The following SHANK2 variants were observed in gnomAD, a reference collection of about 807,000 sequenced individuals.
The protein encoded by SHANK2 is SH3 and multiple ankyrin repeat domains 2.
Under a neutral mutation model 133.7 loss-of-function variants are expected in SHANK2, and 43 were observed. That is an observed-to-expected ratio of 0.32 (90% CI 0.25 to 0.41). SHANK2 has a LOEUF of 0.41. Among genes scored for constraint, SHANK2 ranks in the 10% least tolerant of loss-of-function variants. The pLI is 1.00. For missense variants in SHANK2, 1,994 were observed against 2,235.8 expected, an observed-to-expected ratio of 0.89 and a Z score of 2.18; for synonymous variants, 1,017 against 952.8, an observed-to-expected ratio of 1.07 and a Z score of -1.24.
Position 70,878,134 on chromosome 11 carries a change from C to T in SHANK2, c.1174+18367G>A, listed in dbSNP as rs529008456. ...AGGAAGGTGTCGCCTTTATGGCCTT[C>T]GCTCTGTGGATGAAGTCAGCACTGC... is the stretch of plus-strand genomic sequence containing the variant. On this transcript the variant is annotated intron_variant, in intron 11 of 25. Coordinates refer to ENST00000601538, the MANE Select transcript of SHANK2 (RefSeq NM_012309.5). Among the ~76,000 whole-genome samples the T allele has an allele frequency of 6.6e-5, 10 of 152,326 alleles. No individual in the cohort carries two copies. In the East Asian group the frequency reaches 1.7e-3, roughly 26 times the overall value.
intron 14 of SHANK2, among the ~76,000 whole-genome samples, chr11:70,738,510 A>C (rs939622669): frequency 9.2e-5 from 14 of 152,332 alleles, no homozygotes; most frequent in African/African-American, 2.9e-4. Flanking sequence ...GAGCAAGTGC[A>C]TTCCCAGGGC....
chr11:70,898,446 G>A (rs1245004188), intron 10 of SHANK2, among the ~76,000 whole-genome samples: 1 of 152,080 alleles, frequency 6.6e-6, no homozygotes, highest in African/African-American at 2.4e-5. Context: ...GTTTTGAGGT[G>A]CATGCTAGAA....
At position 70,792,146 on chromosome 11, in the gene SHANK2, G is replaced by A. The variant is rs368707236; in HGVS notation, c.1777+6297C>T. On this transcript the variant is annotated intron_variant, in intron 14 of 25. Coordinates refer to ENST00000601538, the MANE Select transcript of SHANK2 (RefSeq NM_012309.5). ...AACCAACCAACTAACCAATCAGTCA[G>A]TCAGCCAACTAGTTAATCAACCAAC... 6.0e-5 allele frequency among the ~76,000 whole-genome samples: 9 copies of A among 148,768 alleles called. No individual in the cohort carries two copies. In the South Asian group the frequency reaches 6.5e-4, roughly 11 times the overall value.
At chr11:70,627,394 G>T (rs1365623889) in intron 17 of SHANK2, among the ~76,000 whole-genome samples, 1 of 152,202 alleles carries the variant, frequency 6.6e-6, no homozygotes, top group Non-Finnish European at 1.5e-5. Context: ...TAAGTGAGGA[G>T]GGCAAAGGAC....
At chr11:70,643,733 G>T (rs1226563359) in intron 17 of SHANK2, among the ~76,000 whole-genome samples, 1 of 152,154 alleles carries the variant, frequency 6.6e-6, no homozygotes, top group Non-Finnish European at 1.5e-5. Context: ...TTGAATGAGG[G>T]TTGAGCTCCT....
intron 17 of SHANK2, among the ~76,000 whole-genome samples, chr11:70,594,300 C>T (rs986521938): frequency 3.9e-5 from 6 of 152,214 alleles, no homozygotes; most frequent in African/African-American, 1.4e-4. Flanking sequence ...CGTGAGTCCA[C>T]ACACGGTTGC....
intron 14 of SHANK2, among the ~76,000 whole-genome samples, chr11:70,710,213 G>T (rs1945751500): frequency 6.6e-6 from 1 of 152,178 alleles, no homozygotes; most frequent in Non-Finnish European, 1.5e-5. Flanking sequence ...CACACCTGGG[G>T]GCTGTGCCGT....
At chr11:70,563,482 CA>C (rs2059932659) in intron 17 of SHANK2, among the ~76,000 whole-genome samples, 1 of 150,876 alleles carries the variant, frequency 6.6e-6, no homozygotes, top group Non-Finnish European at 1.5e-5. Flanking sequence ...ACAAATTTTA[CA>C]TATATAGCCA....
At chr11:70,879,708 C>A (rs573545806) in intron 11 of SHANK2, among the ~76,000 whole-genome samples, 3 of 152,330 alleles carry the variant, frequency 2.0e-5, no homozygotes, top group South Asian at 2.1e-4. Context: ...AAAGGCCATG[C>A]GGGGCCCCCC....
chr11:71,126,636 A>T (rs1952193494), intron 3 of SHANK2, among the ~76,000 whole-genome samples: 1 of 152,102 alleles, frequency 6.6e-6, no homozygotes, highest in Non-Finnish European at 1.5e-5. Context: ...AGCATTCCAG[A>T]TGCCATTAAG....
intron 11 of SHANK2, among the ~76,000 whole-genome samples, chr11:70,884,093 A>G (rs1949699542): frequency 6.6e-6 from 1 of 152,218 alleles, no homozygotes; most frequent in South Asian, 2.1e-4. Flanking sequence ...GAGCAAGAGG[A>G]GAATGCACCA....
At chr11:70,840,901 G>A (rs1050069475) in intron 11 of SHANK2, among the ~76,000 whole-genome samples, 16 of 152,182 alleles carry the variant, frequency 1.1e-4, no homozygotes, top group African/African-American at 3.9e-4. Flanking sequence ...GTGTTTCACT[G>A]GAGCTTGATA....
At chr11:71,121,432 G>C (rs1952082521) in intron 3 of SHANK2, among the ~76,000 whole-genome samples, 1 of 152,206 alleles carries the variant, frequency 6.6e-6, no homozygotes, top group African/African-American at 2.4e-5. Flanking sequence ...TGCAATAACT[G>C]TGTCCTTAAA....
rs79065284 is a variant in SHANK2, at chr11:71,169,517, G to A, written c.-12-22179C>T. 1.8e-3 allele frequency among the ~76,000 whole-genome samples: 276 copies of A among 152,296 alleles called. 1 individual carries two copies. In the East Asian group the frequency reaches 0.039, roughly 22 times the overall value. On this transcript the variant is annotated intron_variant, in intron 2 of 25. Transcript: ENST00000601538. Reference sequence around the variant, plus strand: ...ATAATCCTAGCCACTTTGGGAGGCCGAGGCGGGTGAATCACCCGAGGTCAG... The same window carrying A: ...ATAATCCTAGCCACTTTGGGAGGCCAAGGCGGGTGAATCACCCGAGGTCAG...
At chr11:70,743,841 T>C (rs1375451882) in intron 14 of SHANK2, among the ~76,000 whole-genome samples, 3 of 152,148 alleles carry the variant, frequency 2.0e-5, no homozygotes, top group Non-Finnish European at 4.4e-5. Flanking sequence ...CAGGTCTCCT[T>C]CCCTCCTTTC....
At chr11:70,895,482 G>A (rs1555075512) in intron 11 of SHANK2, 1 of 152,610 alleles carries the variant, frequency 6.6e-6, no homozygotes, top group Non-Finnish European at 1.5e-5. Context: ...GCTCGTCCAA[G>A]TTGCAAGACT....
In SHANK2 at chr11:71,187,713, G is replaced by T. The variant is rs1953702156; in HGVS notation, c.-13+36984C>A. On this transcript the variant is annotated intron_variant, in intron 2 of 25. Coordinates refer to ENST00000601538, the MANE Select transcript of SHANK2 (RefSeq NM_012309.5). ...ACTTGGTGGGTTTCTCTTGTTCTGT[G>T]TGTTGCGTGGGCAGAGGCACTGACT... 2.0e-5 allele frequency among the ~76,000 whole-genome samples: 3 copies of T among 152,178 alleles called. 1 individual carries two copies. The highest frequency in any genetic ancestry group is 2.0e-4 in the Admixed American group (3 of 15,272).
Position 70,485,660 on chromosome 11 carries a change from G to C in SHANK2, c.4633C>G (p.Pro1545Ala). The change falls in exon 25 of 26, where the codon CCA (proline) becomes GCA (alanine). Residue 1545 changes from proline (P) to alanine (A), a missense_variant. Coordinates refer to ENST00000601538, the MANE Select transcript of SHANK2 (RefSeq NM_012309.5). The surrounding 1 kb of genome is among the most constrained non-coding windows in gnomAD (Gnocchi z 5.8). ...DGQAFMVDKP[P>A]VPPKPKMKPI... ...TTCATTTTTGGCTTAGGAGGTACTG[G>C]GGGTTTGTCAACCATAAATGCTTGC... 1 of 1,614,056 alleles carries C rather than the reference G, an allele frequency of 6.2e-7. No individual in the cohort carries two copies. Among genetic ancestry groups the C allele is most frequent in the Non-Finnish European group, 8.5e-7 (1 of 1,180,028 alleles).
chr11:70,527,427 G>A (rs1815816), intron 17 of SHANK2, among the ~76,000 whole-genome samples: 145,041 of 152,272 alleles, frequency 0.95, 69,489 homozygotes, highest in East Asian at 1. Context: ...GTGGGCCCTG[G>A]GGAATGGTGT....
Sources: allele counts gnomAD v4.1 joint callset (sites outside exome capture counted in the v4.1 genomes callset), GRCh38; gene constraint gnomAD v4.1.1; non-coding constraint Gnocchi (gnomAD v3.1); transcripts MANE v1.5; gene names NCBI Gene and HGNC (gene_info 2026-07-23, HGNC 2026-07-21).